Variants in CA4 observed in about 807,000 individuals in gnomAD.
CA4 encodes carbonic anhydrase 4.
In CA4, 24 loss-of-function variants were observed where a neutral mutation model predicts 34.5. The observed-to-expected ratio is 0.70, with a 90% CI of 0.50 to 0.98. The LOEUF (loss-of-function observed/expected upper bound fraction) is 0.98. Among genes scored for constraint, CA4 ranks in the 50% least tolerant of loss-of-function variants. CA4 has a pLI of 0.00. For synonymous variants in CA4, 178 were observed against 170.6 expected (o/e 1.04, Z -0.34); for missense variants, 394 against 396.7 (o/e 0.99, Z 0.06).
At chr17:60,156,389 G>C (rs1170224691) in intron 2 of CA4, among the ~76,000 whole-genome samples, 171 bp from the exon 3 acceptor site, 1 of 152,156 alleles carries the variant, frequency 6.6e-6, no homozygotes, top group Non-Finnish European at 1.5e-5. Flanking sequence ...AGGGCCCAGG[G>C]AGGGCGAGAG....
Position 60,158,377 on chromosome 17 carries a change from C to A in CA4, c.675C>A (p.Thr225=), listed in dbSNP as rs1175038286. 4 of 1,614,054 alleles carry A rather than the reference C, an allele frequency of 2.5e-6. No individual in the cohort carries two copies. The African/African-American group carries it at 5.3e-5, about 22-fold the overall frequency. The change falls in exon 7 of 8, where the codon ACC becomes ACA. Residue 225 remains threonine (T), a synonymous_variant. Coordinates refer to ENST00000300900, the MANE Select transcript of CA4 (RefSeq NM_000717.5). ...ACTTCCGCTACCTGGGCTCACTCAC[C>A]ACACCGACCTGCGATGAGAAGGTCG... ...RHYFRYLGSL[T]TPTCDEKVVW... is the part of the protein sequence containing the mutation.
At chr17:60,166,129 C>G (rs780979584) in intron 5 of CA4, among the ~76,000 whole-genome samples, 6 of 152,270 alleles carry the variant, frequency 3.9e-5, no homozygotes, top group South Asian at 2.1e-4. Context: ...AAGGGGTTTT[C>G]CCTCCTGTGT....
intron 7 of CA4, chr17:60,158,872 C>G: frequency 2.3e-6 from 1 of 426,164 alleles, no homozygotes; most frequent in Non-Finnish European, 4.3e-6. Flanking sequence ...ATCAGGAACT[C>G]TGGGGGTGGA....
At chr17:60,157,398 C>A (rs960655176) in intron 3 of CA4, 29 bp from the exon 4 acceptor site, 3 of 1,613,796 alleles carry the variant, frequency 1.9e-6, no homozygotes, top group South Asian at 1.1e-5. Context: ...GAGGCTGGTT[C>A]GAGGACTCTG....
At chr17:60,158,513 T>G (rs1366072912) in intron 7 of CA4, 67 bp downstream of exon 7, 22 of 1,519,838 alleles carry the variant, frequency 1.4e-5, no homozygotes, top group Non-Finnish European at 1.9e-5. Context: ...TCCCTCTGTC[T>G]GCCCTCAGAG....
downstream of CA4, among the ~76,000 whole-genome samples, chr17:60,162,180 G>A (rs554535867): frequency 4.6e-5 from 7 of 152,268 alleles, no homozygotes; most frequent in South Asian, 1.4e-3. Context: ...GGTGCTGCCA[G>A]CACTCAACTC....
chr17:60,160,531 AG>A (rs973897088), downstream of CA4, among the ~76,000 whole-genome samples: 11 of 151,892 alleles, frequency 7.2e-5, no homozygotes, highest in African/African-American at 2.7e-4. Context: ...TGGGAAGCCG[AG>A]GCGGGCAGAT....
At chr17:60,170,040 GAATGAA>G (rs2083899005) in intron 5 of CA4, among the ~76,000 whole-genome samples, 1 of 152,224 alleles carries the variant, frequency 6.6e-6, no homozygotes, top group Non-Finnish European at 1.5e-5. Flanking sequence ...AGTCAGGGTT[GAATGAA>G]TGCAGGAGCG....
intron 3 of CA4, 30 bp downstream of exon 3, chr17:60,156,745 T>C (rs1597992561): frequency 1.2e-6 from 2 of 1,607,762 alleles, no homozygotes; most frequent in Non-Finnish European, 1.7e-6. Context: ...CAGGCAGGCC[T>C]GGGCACCCGA....
At chr17:60,154,428 CT>C (rs1372473064) in intron 1 of CA4, among the ~76,000 whole-genome samples, 2 of 152,204 alleles carry the variant, frequency 1.3e-5, no homozygotes, top group Non-Finnish European at 2.9e-5. Flanking sequence ...TCTAAGCCCC[CT>C]GAGCGGCTCA....
intron 5 of CA4, among the ~76,000 whole-genome samples, chr17:60,167,944 T>C (rs547712920): frequency 6.6e-6 from 1 of 152,230 alleles, no homozygotes; most frequent in Non-Finnish European, 1.5e-5. Flanking sequence ...AGGAGCTGCT[T>C]ACAACATGAC....
intron 1 of CA4, among the ~76,000 whole-genome samples, chr17:60,152,609 G>A (rs1422037196): frequency 6.6e-6 from 1 of 152,220 alleles, no homozygotes; most frequent in Admixed American, 6.5e-5. Flanking sequence ...GGCTCTTGGG[G>A]ATGCTGGCTG....
chr17:60,169,242 C>T (rs941528148), intron 5 of CA4, among the ~76,000 whole-genome samples: 2 of 134,772 alleles, frequency 1.5e-5, no homozygotes, highest in Non-Finnish European at 3.0e-5. Context: ...GAGAGACTCC[C>T]TCTGTCTCAA....
intron 7 of CA4, chr17:60,158,911 G>A (rs937634814): frequency 8.2e-5 from 37 of 448,718 alleles, no homozygotes; most frequent in Non-Finnish European, 1.3e-4. Context: ...CAACAAGCCC[G>A]CCCCCCAGCT....
chr17:60,175,650 CAG>C (rs1394468515), downstream of CA4, among the ~76,000 whole-genome samples: 3 of 94,666 alleles, frequency 3.2e-5, no homozygotes, highest in Non-Finnish European at 5.8e-5. Flanking sequence ...GCCTGGGCGA[CAG>C]AGTGAAACTC....
Position 60,150,654 on chromosome 17 carries a change from T to TAA in CA4, c.58+597_58+598dup, listed in dbSNP as rs66850461. Among the ~76,000 whole-genome samples, 121 of 33,908 alleles carry TAA rather than the reference T, an allele frequency of 3.6e-3. 4 individuals carry two copies. Among genetic ancestry groups the TAA allele is most frequent in the African/African-American group, 5.7e-3 (72 of 12,610 alleles). The allele number at this position is 33,908 out of a possible 152,430, so 22.2% of individuals were successfully genotyped here. A position where few individuals can be genotyped will look rare whatever the true frequency, so the allele number is the denominator to read the frequency against. On this transcript the variant is annotated intron_variant, in intron 1 of 7. Transcript: ENST00000300900. ...CTGCACTCCAGCCTGGTGCTCCGTT[T>TAA]AAAAAAAAAAAAAAAAAAAAAAAAA...
chr17:60,160,311 T>C (rs890761423), downstream of CA4, among the ~76,000 whole-genome samples: 3 of 152,248 alleles, frequency 2.0e-5, no homozygotes, highest in African/African-American at 7.2e-5. Flanking sequence ...AAAAATTTAT[T>C]GAGCGTTTAT....
intron 5 of CA4, among the ~76,000 whole-genome samples, chr17:60,166,339 G>A (rs1371067418): frequency 6.6e-6 from 1 of 152,130 alleles, no homozygotes; most frequent in African/African-American, 2.4e-5. Context: ...AAACTCCTGA[G>A]CTCAGGCAAT....
rs1222368586 is a variant in CA4 at position 60,157,460 on chromosome 17, C to T, written c.302C>T (p.Ser101Phe). The T allele has an allele frequency of 2.5e-6, 4 of 1,614,182 alleles. No homozygotes were observed. The Admixed American group carries it at 6.7e-5, about 27-fold the overall frequency. Residue 101 changes from serine to phenylalanine, a missense_variant, in exon 4 of 8, where the codon TCT becomes TTT. Coordinates refer to ENST00000300900, the MANE Select transcript of CA4 (RefSeq NM_000717.5). Reference protein sequence around the residue: ...MMLLENKASISGGGLPAPYQA... With the variant: ...MMLLENKASIFGGGLPAPYQA... Reference sequence around the variant, plus strand: ...TTGCTGGAGAACAAGGCCAGCATTTCTGGAGGAGGACTGCCTGCCCCATAC... The same window carrying T: ...TTGCTGGAGAACAAGGCCAGCATTTTTGGAGGAGGACTGCCTGCCCCATAC...
Sources: gnomAD v4.1 joint callset for allele counts (sites outside exome capture counted in the v4.1 genomes callset) on GRCh38, gnomAD v4.1.1 for gene constraint, MANE v1.5 for transcripts, NCBI Gene and HGNC (gene_info 2026-07-23, HGNC 2026-07-21) for gene names.